VPS35L: variants seen among roughly 807,000 people sequenced by gnomAD.
The protein encoded by VPS35L is VPS35 endosomal protein-sorting factor-like.
In VPS35L, 83 loss-of-function variants were observed where a neutral mutation model predicts 133.0. That is an observed-to-expected ratio of 0.62 (90% CI 0.52 to 0.75). The LOEUF is 0.75. VPS35L is among the 30% of genes least tolerant of loss of function. The pLI is 0.00. For missense variants in VPS35L, 1,083 were observed against 1,206.8 expected, an observed-to-expected ratio of 0.90 and a Z score of 1.52; for synonymous variants, 423 against 449.9, an observed-to-expected ratio of 0.94 and a Z score of 0.76.
chr16:19,610,638 C>A (rs369836401), intron 12 of VPS35L: 17 of 373,046 alleles, frequency 4.6e-5, no homozygotes, highest in African/African-American at 1.0e-4. Context: ...AATTAGGGGA[C>A]GTTTAAGGTC....
chr16:19,571,607 C>T (rs886933745), intron 3 of VPS35L, among the ~76,000 whole-genome samples: 22 of 151,944 alleles, frequency 1.4e-4, no homozygotes, highest in African/African-American at 4.3e-4. Flanking sequence ...TGCAGTGGCG[C>T]GATCTTGGCT....
chr16:19,615,074 C>A (rs116171319), intron 12 of VPS35L, among the ~76,000 whole-genome samples: 4,486 of 152,284 alleles, frequency 0.029, 207 homozygotes, highest in African/African-American at 0.1. Flanking sequence ...GTAACGGGGG[C>A]AGCACCACAT....
rs560057507 is a variant in VPS35L, at chr16:19,568,103, T to C, written c.118-1321T>C. ...ACAGAACTAGGGAAACATTTACTTA[T>C]ACTTACCAGTTTATTATTTAGTATT... On this transcript the variant is annotated intron_variant, in intron 2 of 30. Transcript: ENST00000417362. Among the ~76,000 whole-genome samples, 11 of 152,318 alleles carry C rather than the reference T, an allele frequency of 7.2e-5. No individual in the cohort carries two copies. The East Asian group carries it at 1.3e-3, about 19-fold the overall frequency.
At chr16:19,693,361 C>G (rs1975769824) in intron 29 of VPS35L, among the ~76,000 whole-genome samples, 3 of 152,138 alleles carry the variant, frequency 2.0e-5, no homozygotes, top group Middle Eastern at 6.8e-3. Context: ...AAGGAACAGG[C>G]CAGGCACAAT....
At position 19,581,668 on chromosome 16, in the gene VPS35L, T is replaced by TCCCC. The variant is rs5816059; in HGVS notation, c.639+17_639+20dup. 7.5e-6 allele frequency: 12 copies of TCCCC among 1,607,536 alleles called. No individual in the cohort carries two copies. The highest frequency in any genetic ancestry group is 4.1e-5 in the African/African-American group (3 of 72,794). On this transcript the variant is annotated intron_variant, in intron 7 of 30. Transcript: ENST00000417362. ...TAGTCATCCAGGTTAGCTCTAGTGA[T>TCCCC]CCCCCACCCCCACCCAGAATTTCCT... is the stretch of plus-strand genomic sequence containing the variant.
chr16:19,627,294 CAAA>C (rs1483742432), intron 15 of VPS35L, among the ~76,000 whole-genome samples: 1 of 148,958 alleles, frequency 6.7e-6, no homozygotes, highest in Non-Finnish European at 1.5e-5. Context: ...AAAAAAAAAA[CAAA>C]AAAACCAAAA....
chr16:19,572,918 G>A (rs112251062), intron 3 of VPS35L, among the ~76,000 whole-genome samples: 685 of 152,124 alleles, frequency 4.5e-3, no homozygotes, highest in African/African-American at 0.016. Flanking sequence ...TAAGTGATCC[G>A]TCCACCTTGG....
chr16:19,639,088 CAATAAA>C lies in VPS35L; in HGVS notation c.1699-917_1699-912del, dbSNP rs529120371. On this transcript the variant is annotated intron_variant, in intron 20 of 30. Transcript: ENST00000417362. This position sits in a 1 kb window ranked among gnomAD's most constrained non-coding sequence, Gnocchi z 4.1. Reference sequence around the variant, plus strand: ...AACTCTGTTTCAAACAAATAAAATGCAATAAAAATAAAAATGAAAATGAATGAAGTG... The same window carrying C: ...AACTCTGTTTCAAACAAATAAAATGCAATAAAAATGAAAATGAATGAAGTG... Among the ~76,000 whole-genome samples, 37 of 152,184 alleles carry C rather than the reference CAATAAA, an allele frequency of 2.4e-4. No individual in the cohort carries two copies. The highest frequency in any genetic ancestry group is 2.2e-3 in the Admixed American group (34 of 15,268).
intron 1 of VPS35L, among the ~76,000 whole-genome samples, chr16:19,561,077 AT>A (rs1971013657): frequency 1.3e-5 from 2 of 152,034 alleles, no homozygotes; most frequent in African/African-American, 4.8e-5. Flanking sequence ...CTTAAAAAAA[AT>A]AAAAGTAGGG....
chr16:19,595,937 A>G (rs1972201121), intron 8 of VPS35L, among the ~76,000 whole-genome samples: 1 of 152,198 alleles, frequency 6.6e-6, no homozygotes, highest in Non-Finnish European at 1.5e-5. Context: ...CAAGGTCAGG[A>G]GTTCAAGACC....
chr16:19,557,109 G>A (rs1970885635), intron 1 of VPS35L, among the ~76,000 whole-genome samples: 1 of 152,004 alleles, frequency 6.6e-6, no homozygotes, highest in Admixed American at 6.6e-5. Flanking sequence ...TCCAGCCTGG[G>A]CAACAGTGAG....
intron 28 of VPS35L, among the ~76,000 whole-genome samples, chr16:19,682,669 C>G (rs58952744): frequency 1.3e-5 from 2 of 151,940 alleles, no homozygotes; most frequent in South Asian, 4.1e-4. Context: ...CCAGACCAGC[C>G]TGGCCAACAG....
intron 28 of VPS35L, among the ~76,000 whole-genome samples, chr16:19,688,206 C>T (rs1030701514): frequency 2.0e-5 from 3 of 152,098 alleles, no homozygotes; most frequent in East Asian, 3.9e-4. Context: ...GGATTACAGG[C>T]GTGAGCCACT....
chr16:19,622,814 T>C (rs955159845), intron 14 of VPS35L, among the ~76,000 whole-genome samples: 1 of 152,176 alleles, frequency 6.6e-6, no homozygotes. Context: ...AGGGAAGCCA[T>C]TTATGATGTG....
At chr16:19,585,067 A>T (rs72767559) in intron 7 of VPS35L, among the ~76,000 whole-genome samples, 2,285 of 152,286 alleles carry the variant, frequency 0.015, 21 homozygotes, top group Non-Finnish European at 0.024. Context: ...ATCATATTAC[A>T]TGTGGGTAGT....
chr16:19,572,022 T>G (rs534529476), intron 3 of VPS35L, among the ~76,000 whole-genome samples: 6 of 152,298 alleles, frequency 3.9e-5, no homozygotes, highest in African/African-American at 1.4e-4. Context: ...CCCAGATAGT[T>G]TCTGGGTTTT....
rs764293322 is a variant in VPS35L, at chr16:19,699,485, T to C, written c.2647-17T>C. On this transcript the variant is annotated splice_polypyrimidine_tract_variant and intron_variant, in intron 29 of 30. Transcript: ENST00000417362. This position sits in a 1 kb window ranked among gnomAD's most constrained non-coding sequence, Gnocchi z 4.2. The stretch of plus-strand genomic sequence containing the variant: ...TGAGCCCCAGTGCAAGGCAGTAACC[T>C]CCCTTTTCTGTTTCAGGCCCTGAAG... The C allele has an allele frequency of 5.0e-6, 8 of 1,613,556 alleles. No homozygotes were observed. In the African/African-American group the frequency reaches 1.1e-4, roughly 22 times the overall value.
Position 19,616,563 on chromosome 16 carries a change from C to T in VPS35L, c.1102-123C>T, listed in dbSNP as rs184543296. ...TAAAAAAAAAAAACAACCGAGAAAC[C>T]AGGCTATTTCTCTCAGGGCTGTCCA... On this transcript the variant is annotated intron_variant, in intron 13 of 30. Coordinates refer to ENST00000417362, the MANE Select transcript of VPS35L (RefSeq NM_020314.7). 2.3e-4 allele frequency: 290 copies of T among 1,243,606 alleles called. 2 individuals carry two copies. In the African/African-American group the frequency reaches 4.0e-3, roughly 17 times the overall value. The allele number at this position is 1,243,606 out of a possible 1,614,324, so 77.0% of individuals were successfully genotyped here. A position where few individuals can be genotyped will look rare whatever the true frequency, so the allele number is the denominator to read the frequency against.
intron 29 of VPS35L, chr16:19,694,237 T>C (rs1409722350): frequency 1.3e-5 from 2 of 152,206 alleles, no homozygotes; most frequent in Non-Finnish European, 2.9e-5. Flanking sequence ...AATTTTTAAA[T>C]GTTGCATATC....
Sources: allele counts gnomAD v4.1 joint callset (sites outside exome capture counted in the v4.1 genomes callset), GRCh38; gene constraint gnomAD v4.1.1; non-coding constraint Gnocchi (gnomAD v3.1); transcripts MANE v1.5; gene names NCBI Gene and HGNC (gene_info 2026-07-23, HGNC 2026-07-21).